The following ROBO1 variants were observed in gnomAD, a reference collection of about 807,000 sequenced individuals.
ROBO1 encodes roundabout homolog 1.
Under a neutral mutation model 195.9 loss-of-function variants are expected in ROBO1, and 149 were observed. The observed-to-expected ratio is 0.76, with a 90% CI of 0.67 to 0.87. The LOEUF is 0.87. Among genes scored for constraint, ROBO1 ranks in the 40% least tolerant of loss-of-function variants. The pLI, the probability that ROBO1 is intolerant of heterozygous loss-of-function variation, is 0.00. For missense variants in ROBO1, 1,933 were observed against 2,068.3 expected (o/e 0.93, Z 1.27); for synonymous variants, 816 against 733.2 (o/e 1.11, Z -1.82).
At chr3:78,657,060 G>A (rs1707077626) in intron 18 of ROBO1, 38 bp downstream of exon 18, 2 of 1,545,582 alleles carry the variant, frequency 1.3e-6, no homozygotes, top group African/African-American at 2.7e-5. Flanking sequence ...ACATGGTAGA[G>A]TGAGAGATTG....
chr3:78,711,009 C>T (rs1342002190), intron 8 of ROBO1, among the ~76,000 whole-genome samples: 1 of 152,192 alleles, frequency 6.6e-6, no homozygotes, highest in Non-Finnish European at 1.5e-5. Context: ...CTAGATTTTA[C>T]TCTGTTCCCT....
intron 4 of ROBO1, among the ~76,000 whole-genome samples, chr3:78,801,258 C>T (rs1460425521): frequency 6.6e-6 from 1 of 152,154 alleles, no homozygotes; most frequent in African/African-American, 2.4e-5. Context: ...CTTAACATTT[C>T]TGTTCTTTTT....
intron 3 of ROBO1, among the ~76,000 whole-genome samples, chr3:79,022,505 T>C: frequency 6.6e-6 from 1 of 152,316 alleles, no homozygotes; most frequent in African/African-American, 2.4e-5. Flanking sequence ...AACTTTAAAT[T>C]ACCCAGAAGA....
chr3:79,205,708 G>A (rs1168290706), intron 2 of ROBO1, among the ~76,000 whole-genome samples: 1 of 152,170 alleles, frequency 6.6e-6, no homozygotes, highest in East Asian at 1.9e-4. Flanking sequence ...TTGATTCAAA[G>A]TTGAATATAA....
At chr3:79,432,628 A>C (rs1265359021) in intron 2 of ROBO1, among the ~76,000 whole-genome samples, 1 of 152,142 alleles carries the variant, frequency 6.6e-6, no homozygotes, top group Non-Finnish European at 1.5e-5. Flanking sequence ...CATCTCTGCC[A>C]ACTCCAATCT....
chr3:78,885,832 T>C (rs2036526775), intron 4 of ROBO1, among the ~76,000 whole-genome samples: 1 of 149,134 alleles, frequency 6.7e-6, no homozygotes, highest in Admixed American at 6.7e-5. Flanking sequence ...ATTATGTTCA[T>C]ACAACCCTGC....
At chr3:79,174,410 C>T (rs2081228069) in intron 2 of ROBO1, among the ~76,000 whole-genome samples, 1 of 151,944 alleles carries the variant, frequency 6.6e-6, no homozygotes, top group Non-Finnish European at 1.5e-5. Flanking sequence ...CCGAACACAT[C>T]CGAACATTGG....
At chr3:79,547,102 G>A (rs1049943797) in intron 2 of ROBO1, among the ~76,000 whole-genome samples, 8 of 143,434 alleles carry the variant, frequency 5.6e-5, no homozygotes, top group Non-Finnish European at 1.1e-4. Context: ...GGAGAATGGC[G>A]TGAACCCGGG....
At chr3:78,867,761 T>G (rs934725403) in intron 4 of ROBO1, among the ~76,000 whole-genome samples, 1 of 152,156 alleles carries the variant, frequency 6.6e-6, no homozygotes, top group South Asian at 2.1e-4. Context: ...CCAGCTTTTT[T>G]AAAAGCCAAA....
chr3:79,612,798 T>A (rs1332897664), intron 1 of ROBO1, among the ~76,000 whole-genome samples: 6 of 1,786 alleles, frequency 3.4e-3, no homozygotes, highest in Non-Finnish European at 6.5e-3. Flanking sequence ...GAGCATTTTT[T>A]CATGTGTTTT....
At chr3:78,746,509 A>T (rs2082660111) in intron 5 of ROBO1, among the ~76,000 whole-genome samples, 1 of 152,182 alleles carries the variant, frequency 6.6e-6, no homozygotes, top group African/African-American at 2.4e-5. Flanking sequence ...AGACACTAAA[A>T]CAGGAATTAT....
chr3:78,965,642 A>G (rs1449899429), intron 3 of ROBO1, among the ~76,000 whole-genome samples: 1 of 152,182 alleles, frequency 6.6e-6, no homozygotes, highest in Non-Finnish European at 1.5e-5. Flanking sequence ...TAAAGCATGT[A>G]ATATGTTATT....
intron 2 of ROBO1, among the ~76,000 whole-genome samples, chr3:79,219,431 C>T (rs1206136482): frequency 6.6e-6 from 1 of 151,936 alleles, no homozygotes; most frequent in Non-Finnish European, 1.5e-5. Context: ...TGTGAATCTT[C>T]GGCTATCTCC....
intron 18 of ROBO1, among the ~76,000 whole-genome samples, chr3:78,652,324 A>G (rs1275532626): frequency 2.6e-5 from 4 of 152,170 alleles, no homozygotes; most frequent in South Asian, 2.1e-4. Context: ...ACATGTACAC[A>G]TAAGGAATAT....
chr3:79,366,006 C>A (rs1275114753), intron 2 of ROBO1, among the ~76,000 whole-genome samples: 4 of 151,978 alleles, frequency 2.6e-5, no homozygotes. Flanking sequence ...TGGTTATGCA[C>A]TCTCATCCTT....
intron 2 of ROBO1, among the ~76,000 whole-genome samples, chr3:79,149,896 C>T (rs1001932395): frequency 6.6e-6 from 1 of 151,766 alleles, no homozygotes; most frequent in Non-Finnish European, 1.5e-5. Flanking sequence ...GAACAGAATG[C>T]TCTGGCACAT....
chr3:78,667,942 G>A lies in ROBO1; in HGVS notation c.1907C>T (p.Ala636Val). Reference protein sequence around the residue: ...PNAIYLFLVRAANAYGISDPS... With the variant: ...PNAIYLFLVRVANAYGISDPS... Reference sequence around the variant, plus strand: ...ATCACTAATTCCATATGCATTAGCTGCCCTCACAAGGAAAAGGTAAATTGC... The same window carrying A: ...ATCACTAATTCCATATGCATTAGCTACCCTCACAAGGAAAAGGTAAATTGC... The change falls in exon 14 of 31, where the codon GCA (alanine) becomes GTA (valine). Residue 636 changes from alanine (A) to valine (V), a missense_variant. Ala to Val is a moderately conservative substitution (Grantham distance 64). Coordinates refer to ENST00000464233, the MANE Select transcript of ROBO1 (RefSeq NM_002941.4). The A allele has an allele frequency of 6.2e-7, 1 of 1,613,770 alleles. No individual in the cohort carries two copies. Among genetic ancestry groups the A allele is most frequent in the Non-Finnish European group, 8.5e-7 (1 of 1,179,762 alleles).
chr3:79,016,883 A>C (rs930583846), intron 3 of ROBO1, among the ~76,000 whole-genome samples: 1 of 152,202 alleles, frequency 6.6e-6, no homozygotes, highest in Non-Finnish European at 1.5e-5. Flanking sequence ...CAAGGGAGGC[A>C]AATAGAGAGA....
At chr3:78,706,533 G>T (rs1458620271) in intron 8 of ROBO1, among the ~76,000 whole-genome samples, 1 of 151,436 alleles carries the variant, frequency 6.6e-6, no homozygotes, top group Non-Finnish European at 1.5e-5. Context: ...TTTAACACTG[G>T]GTCTCACTGT....
Sources: allele counts gnomAD v4.1 joint callset (sites outside exome capture counted in the v4.1 genomes callset), GRCh38; gene constraint gnomAD v4.1.1; transcripts MANE v1.5; gene names NCBI Gene and HGNC (gene_info 2026-07-23, HGNC 2026-07-21).